The following PPP3CA variants were observed in gnomAD, a reference collection of about 807,000 sequenced individuals.
The protein encoded by PPP3CA is CAM-PRP catalytic subunit.
Under a neutral mutation model 66.5 loss-of-function variants are expected in PPP3CA, and 14 were observed. The ratio of observed to expected loss-of-function variants is 0.21; its 90% confidence interval spans 0.14 to 0.33. The LOEUF is 0.33. Ranked by LOEUF, PPP3CA falls within the 10% of genes least tolerant of loss-of-function variation. The pLI is 1.00. For missense variants in PPP3CA, 317 were observed against 639.5 expected (o/e 0.50, Z 5.44); for synonymous variants, 232 against 226.2 (o/e 1.03, Z -0.23).
intron 1 of PPP3CA, among the ~76,000 whole-genome samples, chr4:101,345,954 C>G (rs921419759): frequency 3.3e-5 from 5 of 152,152 alleles, no homozygotes; most frequent in Non-Finnish European, 2.9e-5. Context: ...GGGGGACAGC[C>G]GGGGATGGCA....
chr4:101,195,923 T>C lies in PPP3CA; in HGVS notation c.252A>G (p.Pro84=). Residue 84 remains proline, a synonymous_variant, in exon 2 of 14, where the codon CCA becomes CCG. Transcript: ENST00000394854. ...TCCCTCCTCAGGACTTACCAGTGAC[T>C]GGCGCATCAATATCCAGCAAATTTT... ...QEKNLLDIDA[P]VTVCGDIHGQ... is the part of the protein sequence containing the mutation. 6.2e-7 allele frequency: 1 copy of C among 1,613,828 alleles called. No homozygotes were observed. Among genetic ancestry groups the C allele is most frequent in the African/African-American group, 1.3e-5 (1 of 75,040 alleles).
intron 7 of PPP3CA, 150 bp downstream of exon 7, chr4:101,083,036 T>C (rs1560592698): frequency 2.0e-6 from 1 of 503,176 alleles, no homozygotes; most frequent in South Asian, 6.5e-5. Context: ...GACTCTGTCA[T>C]ACCTGTGTCA....
At chr4:101,070,120 T>G (rs991678466) in intron 8 of PPP3CA, among the ~76,000 whole-genome samples, 2 of 152,088 alleles carry the variant, frequency 1.3e-5, no homozygotes, top group African/African-American at 4.8e-5. Flanking sequence ...TATATAGAAT[T>G]TTGGGTAAAG....
chr4:101,054,701 G>T (rs1347144324), intron 10 of PPP3CA, among the ~76,000 whole-genome samples: 2 of 151,958 alleles, frequency 1.3e-5, no homozygotes, highest in Non-Finnish European at 2.9e-5. Flanking sequence ...TAGATACGAA[G>T]AATTATCTAA....
chr4:101,097,178 T>A (rs1730233149), intron 5 of PPP3CA, among the ~76,000 whole-genome samples: 1 of 152,146 alleles, frequency 6.6e-6, no homozygotes, highest in Non-Finnish European at 1.5e-5. Flanking sequence ...CTGAGTAGTA[T>A]GTATCTTTAG....
chr4:101,200,773 C>A (rs1543856), intron 1 of PPP3CA, among the ~76,000 whole-genome samples: 10 of 152,074 alleles, frequency 6.6e-5, no homozygotes, highest in African/African-American at 1.9e-4. Context: ...AAGACTGACC[C>A]TCTCATACTA....
At position 101,083,235 on chromosome 4, in the gene PPP3CA, G is replaced by C. The variant is rs1269263876; in HGVS notation, c.811C>G (p.His271Asp). 2 of 1,608,360 alleles carry C rather than the reference G, an allele frequency of 1.2e-6. No individual in the cohort carries two copies. The highest frequency in any genetic ancestry group is 2.7e-5 in the African/African-American group (2 of 74,628). The change falls in exon 7 of 14, where the codon CAC (histidine) becomes GAC (aspartate). Residue 271 changes from histidine to aspartate, a missense_variant. By Grantham distance (81) the His-to-Asp change is moderately conservative. This residue lies in a region of PPP3CA where 201 missense variants were observed against 501.4 expected (regional missense o/e 0.40). Coordinates refer to ENST00000394854, the MANE Select transcript of PPP3CA (RefSeq NM_000944.5). ...CGGAGTATAGATAACAAGTTATTGT[G>C]CTGTAAGAATTCACATACAGCCGGG... ...SYPAVCEFLQ[H>D]NNLLSILRAH... is the part of the protein sequence containing the mutation.
At chr4:101,094,835 A>G (rs1358472190) in intron 5 of PPP3CA, among the ~76,000 whole-genome samples, 4 of 152,172 alleles carry the variant, frequency 2.6e-5, no homozygotes, top group Non-Finnish European at 4.4e-5. Flanking sequence ...TCTTTGGTGA[A>G]TCAGCAGATA....
chr4:101,240,641 A>C (rs1726275266), intron 1 of PPP3CA, among the ~76,000 whole-genome samples: 1 of 152,176 alleles, frequency 6.6e-6, no homozygotes. Context: ...ATAAAAAGAC[A>C]CATCAGAATT....
intron 1 of PPP3CA, among the ~76,000 whole-genome samples, chr4:101,293,584 A>G (rs538957173): frequency 6.6e-6 from 1 of 152,312 alleles, no homozygotes; most frequent in African/African-American, 2.4e-5. Context: ...AACTTGTCCT[A>G]TAACACACAT....
intron 1 of PPP3CA, among the ~76,000 whole-genome samples, chr4:101,310,292 A>G (rs1341092286): frequency 6.6e-6 from 1 of 152,238 alleles, no homozygotes; most frequent in African/African-American, 2.4e-5. Context: ...ATATTGATCA[A>G]CTTGACTCAC....
intron 10 of PPP3CA, among the ~76,000 whole-genome samples, chr4:101,054,410 G>A (rs751536973): frequency 6.6e-6 from 1 of 152,054 alleles, no homozygotes; most frequent in Non-Finnish European, 1.5e-5. Flanking sequence ...CTATTTGAAA[G>A]TAATGATTTG....
intron 8 of PPP3CA, among the ~76,000 whole-genome samples, chr4:101,073,496 C>T (rs1021487607): frequency 1.3e-5 from 2 of 151,914 alleles, no homozygotes; most frequent in African/African-American, 4.8e-5. Flanking sequence ...AGGCTGGTCT[C>T]GAACTTCTGA....
chr4:101,346,569 G>T (rs1227079846), intron 1 of PPP3CA, among the ~76,000 whole-genome samples, 170 bp downstream of exon 1: 1 of 151,994 alleles, frequency 6.6e-6, no homozygotes, highest in Non-Finnish European at 1.5e-5. Context: ...GGCGCCGCGG[G>T]GGCGGGGGGT....
At chr4:101,062,394 AG>A (rs111445854) in intron 9 of PPP3CA, among the ~76,000 whole-genome samples, 7,835 of 152,118 alleles carry the variant, frequency 0.052, 694 homozygotes, top group African/African-American at 0.18. Flanking sequence ...TTAGGGTTTC[AG>A]AAAAATATTT....
chr4:101,043,667 G>A (rs1266646181), intron 10 of PPP3CA, among the ~76,000 whole-genome samples: 1 of 152,054 alleles, frequency 6.6e-6, no homozygotes, highest in Non-Finnish European at 1.5e-5. Context: ...GAGGTTGGGA[G>A]ATCGAGACCA....
intron 1 of PPP3CA, among the ~76,000 whole-genome samples, chr4:101,254,084 C>A (rs1294304624): frequency 6.6e-6 from 1 of 151,980 alleles, no homozygotes; most frequent in Non-Finnish European, 1.5e-5. Context: ...TCCTTCAAGA[C>A]ATATATCCAA....
At chr4:101,204,660 G>A (rs967886125) in intron 1 of PPP3CA, among the ~76,000 whole-genome samples, 4 of 137,670 alleles carry the variant, frequency 2.9e-5, no homozygotes, top group Non-Finnish European at 6.2e-5. Flanking sequence ...AAAAAAAAAA[G>A]TTATACACAC....
At chr4:101,034,734 A>T (rs911829539) in intron 11 of PPP3CA, among the ~76,000 whole-genome samples, 1 of 152,212 alleles carries the variant, frequency 6.6e-6, no homozygotes, top group Non-Finnish European at 1.5e-5. Context: ...GTTTGAGATA[A>T]TTAATTATTG....
Sources: gnomAD v4.1 joint callset for allele counts (sites outside exome capture counted in the v4.1 genomes callset) on GRCh38, gnomAD v4.1.1 for gene constraint, gnomAD v4.1.1 regional missense constraint, MANE v1.5 for transcripts, NCBI Gene and HGNC (gene_info 2026-07-23, HGNC 2026-07-21) for gene names.